Variants in FBXO34 observed in about 807,000 individuals in gnomAD.
The protein encoded by FBXO34 is F-box protein 34, also known as F-box only protein 34.
In FBXO34, 12 loss-of-function variants were observed where a neutral mutation model predicts 24.5. That is an observed-to-expected ratio of 0.49 (90% CI 0.31 to 0.79). The LOEUF is 0.79. Among genes scored for constraint, FBXO34 ranks in the 30% least tolerant of loss-of-function variants. FBXO34 has a pLI of 0.04. For synonymous variants in FBXO34, 320 were observed against 311.9 expected, an observed-to-expected ratio of 1.03 and a Z score of -0.27; for missense variants, 823 against 857.7, an observed-to-expected ratio of 0.96 and a Z score of 0.51.
downstream of FBXO34, among the ~76,000 whole-genome samples, chr14:55,370,324 C>G (rs1385225612): frequency 6.6e-6 from 1 of 152,168 alleles, no homozygotes; most frequent in Admixed American, 6.5e-5. Flanking sequence ...GATGTATACT[C>G]TGGATATTAT....
At chr14:55,314,392 T>C (rs1882857631) in intron 1 of FBXO34, among the ~76,000 whole-genome samples, 2 of 152,306 alleles carry the variant, frequency 1.3e-5, no homozygotes, top group South Asian at 2.1e-4. Context: ...TAATGTGAGA[T>C]AGTTAACCAA....
chr14:55,300,538 T>C (rs974061101), intron 1 of FBXO34, among the ~76,000 whole-genome samples: 1 of 152,224 alleles, frequency 6.6e-6, no homozygotes, highest in African/African-American at 2.4e-5. Context: ...GAGGTTGCAG[T>C]GAGCTGAGAT....
intron 1 of FBXO34, among the ~76,000 whole-genome samples, chr14:55,343,927 G>A (rs1026754639): frequency 6.6e-6 from 1 of 152,156 alleles, no homozygotes; most frequent in Non-Finnish European, 1.5e-5. Flanking sequence ...TTTGGGGAGT[G>A]TATACTGTCT....
the FBXO34 span, among the ~76,000 whole-genome samples, chr14:55,442,944 C>T: frequency 3.3e-5 from 5 of 152,102 alleles, no homozygotes; most frequent in East Asian, 1.9e-4. Context: ...CAGCCATCTG[C>T]GAATGAAAGA....
At chr14:55,386,501 T>C in the FBXO34 span, among the ~76,000 whole-genome samples, 22 of 152,230 alleles carry the variant, frequency 1.4e-4, no homozygotes, top group African/African-American at 5.3e-4. Context: ...TAGGTGTGCC[T>C]TGGGCTATAA....
At chr14:55,282,335 C>G in intron 1 of FBXO34, 1 of 462,470 alleles carries the variant, frequency 2.2e-6, no homozygotes, top group South Asian at 1.6e-5. Context: ...TCAACACTTT[C>G]ACAATGATTT....
Position 55,350,637 on chromosome 14 carries a change from T to C in FBXO34, c.247T>C (p.Leu83=). The C allele has an allele frequency of 1.9e-6, 3 of 1,613,394 alleles. No individual in the cohort carries two copies. Among genetic ancestry groups the C allele is most frequent in the Non-Finnish European group, 2.5e-6 (3 of 1,179,802 alleles). Residue 83 remains leucine, a synonymous_variant, in exon 2 of 2, where the codon TTG becomes CTG. Transcript: ENST00000313833. ...TGGGAAGAGTCCTGTAGAGAGCAGC[T>C]TGAATGTTAAAACCAAAAAGAATGC... ...MSGKSPVESS[L]NVKTKKNAPS...
intron 1 of FBXO34, among the ~76,000 whole-genome samples, chr14:55,329,684 T>G (rs369447135): frequency 3.0e-4 from 46 of 152,282 alleles, no homozygotes; most frequent in South Asian, 2.1e-3. Flanking sequence ...AAAACAGCAT[T>G]TTGGCTTGAA....
At chr14:55,435,844 TA>T in the FBXO34 span, 1 of 1,549,958 alleles carries the variant, frequency 6.5e-7, no homozygotes, top group Non-Finnish European at 8.7e-7. Flanking sequence ...TGAGAAATGT[TA>T]CCTTTGGGTT....
chr14:55,392,775 T>A, the FBXO34 span, among the ~76,000 whole-genome samples: 1 of 152,134 alleles, frequency 6.6e-6, no homozygotes, highest in Admixed American at 6.5e-5. Context: ...GTTACACTTA[T>A]CTAAGTAGTC....
At chr14:55,294,462 A>G (rs927992951) in intron 1 of FBXO34, among the ~76,000 whole-genome samples, 11 of 152,230 alleles carry the variant, frequency 7.2e-5, no homozygotes, top group African/African-American at 1.2e-4. Context: ...CACATTGCCC[A>G]GGCCGGTCTT....
downstream of FBXO34, among the ~76,000 whole-genome samples, chr14:55,372,040 C>T (rs1884830543): frequency 6.6e-6 from 1 of 152,088 alleles, no homozygotes. Flanking sequence ...TTTTCCTTGG[C>T]AAACAGTTCT....
intron 1 of FBXO34, among the ~76,000 whole-genome samples, chr14:55,296,391 GTTTTTTTTTT>G (rs1167344634): frequency 1.4e-4 from 9 of 64,764 alleles, no homozygotes; most frequent in African/African-American, 4.6e-4. Context: ...TGTTTTTTTT[GTTTTTTTTTT>G]TTTTTTTTTT....
At chr14:55,362,121 C>T (rs1042038609), downstream of FBXO34, among the ~76,000 whole-genome samples, 5 of 152,174 alleles carry the variant, frequency 3.3e-5, no homozygotes, top group African/African-American at 4.8e-5. Context: ...ACATGGGACT[C>T]TTTCATTTGA....
intron 1 of FBXO34, among the ~76,000 whole-genome samples, chr14:55,316,280 G>A (rs763155015): frequency 6.6e-6 from 1 of 152,080 alleles, no homozygotes; most frequent in Non-Finnish European, 1.5e-5. Context: ...CCCTTGTTCA[G>A]CATTTGTTAA....
At chr14:55,386,788 C>T in the FBXO34 span, among the ~76,000 whole-genome samples, 1 of 152,212 alleles carries the variant, frequency 6.6e-6, no homozygotes, top group African/African-American at 2.4e-5. Context: ...CTGGATCCTA[C>T]ACCTGCTAGG....
chr14:55,287,122 T>C (rs1029925381), intron 1 of FBXO34, among the ~76,000 whole-genome samples: 2 of 152,114 alleles, frequency 1.3e-5, no homozygotes, highest in Non-Finnish European at 2.9e-5. Flanking sequence ...GCCAGGCTGG[T>C]CTTGAACTCC....
At chr14:55,391,537 C>T in the FBXO34 span, among the ~76,000 whole-genome samples, 78 of 150,648 alleles carry the variant, frequency 5.2e-4, no homozygotes, top group Non-Finnish European at 1.1e-3. Flanking sequence ...TTGTATGTAT[C>T]AGTAAGCAAA....
At chr14:55,419,856 T>G in the FBXO34 span, among the ~76,000 whole-genome samples, 1 of 152,216 alleles carries the variant, frequency 6.6e-6, no homozygotes, top group African/African-American at 2.4e-5. Flanking sequence ...CAAAGTTCAT[T>G]TGTAATTGCA....
Sources: allele counts gnomAD v4.1 joint callset (sites outside exome capture counted in the v4.1 genomes callset), GRCh38; gene constraint gnomAD v4.1.1; transcripts MANE v1.5; gene names NCBI Gene and HGNC (gene_info 2026-07-23, HGNC 2026-07-21).